CFAP20DC: variants seen among roughly 807,000 people sequenced by gnomAD.
CFAP20DC encodes CFAP20 domain containing, also known as protein CFAP20DC.
Under a neutral mutation model 101.7 loss-of-function variants are expected in CFAP20DC, and 84 were observed. That is an observed-to-expected ratio of 0.83 (90% CI 0.69 to 0.99). The LOEUF (loss-of-function observed/expected upper bound fraction) is 0.99. Among genes scored for constraint, CFAP20DC ranks in the 50% least tolerant of loss-of-function variants. CFAP20DC has a pLI of 0.00. For synonymous variants in CFAP20DC, 359 were observed against 351.2 expected (o/e 1.02, Z -0.25); for missense variants, 1,007 against 970.3 (o/e 1.04, Z -0.50).
chr3:58,813,318 G>A (rs916652779), intron 14 of CFAP20DC, among the ~76,000 whole-genome samples: 6 of 151,804 alleles, frequency 4.0e-5, no homozygotes, highest in African/African-American at 7.3e-5. Flanking sequence ...GTTCTATAAC[G>A]GGAAAAAATT....
At chr3:58,765,296 G>GCA in intron 15 of CFAP20DC, among the ~76,000 whole-genome samples, 1 of 150,998 alleles carries the variant, frequency 6.6e-6, no homozygotes, top group East Asian at 1.9e-4. Flanking sequence ...ACACACACAC[G>GCA]CACACACATA....
rs953538941 is a variant in CFAP20DC at position 58,971,043 on chromosome 3, T to A, written c.279-33281A>T. 6.6e-6 allele frequency among the ~76,000 whole-genome samples: 1 copy of A among 152,216 alleles called. No individual in the cohort carries two copies. Among genetic ancestry groups the A allele is most frequent in the African/African-American group, 2.4e-5 (1 of 41,462 alleles). On this transcript the variant is annotated intron_variant, in intron 4 of 16. Transcript: ENST00000482387. This position sits in a 1 kb window ranked among gnomAD's most constrained non-coding sequence, Gnocchi z 4.1. Reference sequence around the variant, plus strand: ...CTCCTAACCTCCCAAGCATACACTTTGCCATAAATTGACAACAAATTCACC... The same window carrying A: ...CTCCTAACCTCCCAAGCATACACTTAGCCATAAATTGACAACAAATTCACC...
chr3:58,883,636 T>A (rs2081383895), intron 7 of CFAP20DC, among the ~76,000 whole-genome samples: 1 of 152,208 alleles, frequency 6.6e-6, no homozygotes, highest in South Asian at 2.1e-4. Context: ...TCTTCCTCCA[T>A]ACATGTCCTG....
At chr3:58,836,125 C>T (rs979468115) in intron 13 of CFAP20DC, among the ~76,000 whole-genome samples, 1 of 152,132 alleles carries the variant, frequency 6.6e-6, no homozygotes, top group Non-Finnish European at 1.5e-5. Flanking sequence ...TTTCTCCAGA[C>T]ATTATTGGGA....
At chr3:59,049,188 G>A (rs1213846529) in intron 1 of CFAP20DC, among the ~76,000 whole-genome samples, 1 of 152,208 alleles carries the variant, frequency 6.6e-6, no homozygotes, top group Non-Finnish European at 1.5e-5. Context: ...CTTTCTTGAT[G>A]TAACAATGCA....
intron 15 of CFAP20DC, among the ~76,000 whole-genome samples, chr3:58,782,982 A>C (rs2071979846): frequency 6.6e-6 from 1 of 151,834 alleles, no homozygotes; most frequent in African/African-American, 2.4e-5. Flanking sequence ...AAAACAAAAC[A>C]AAACAAAAAC....
At chr3:58,773,477 G>A (rs1436674796) in intron 15 of CFAP20DC, among the ~76,000 whole-genome samples, 1 of 151,964 alleles carries the variant, frequency 6.6e-6, no homozygotes, top group Non-Finnish European at 1.5e-5. Flanking sequence ...GACTGCTTGA[G>A]CCTGGAGGGT....
intron 4 of CFAP20DC, among the ~76,000 whole-genome samples, chr3:59,024,653 C>G (rs1024858012): frequency 8.6e-5 from 13 of 152,046 alleles, no homozygotes; most frequent in African/African-American, 3.1e-4. Context: ...AAATGAGGAA[C>G]CCTAGAGACA....
intron 5 of CFAP20DC, among the ~76,000 whole-genome samples, chr3:58,936,967 A>G (rs2087761817): frequency 6.6e-6 from 1 of 151,982 alleles, no homozygotes; most frequent in Non-Finnish European, 1.5e-5. Context: ...AAAAAAAAAA[A>G]AGAGAGATAG....
chr3:59,002,165 G>A lies in CFAP20DC; in HGVS notation c.278+37392C>T, dbSNP rs1351915281. Reference sequence around the variant, plus strand: ...CTGACAAGCCTTCACAAAGTTACTCGCAGAGCCTCTGTTTCCTCATCTACA... The same window carrying A: ...CTGACAAGCCTTCACAAAGTTACTCACAGAGCCTCTGTTTCCTCATCTACA... On this transcript the variant is annotated intron_variant, in intron 4 of 16. Coordinates refer to ENST00000482387, the MANE Select transcript of CFAP20DC (RefSeq NM_001394063.1). The surrounding 1 kb of genome is among the most constrained non-coding windows in gnomAD (Gnocchi z 4.5). Among the ~76,000 whole-genome samples the A allele has an allele frequency of 1.3e-5, 2 of 152,098 alleles. No homozygotes were observed. Among genetic ancestry groups the A allele is most frequent in the Admixed American group, 6.6e-5 (1 of 15,262 alleles).
chr3:58,735,143 C>T (rs1433065742), intron 3 of CFAP20DC, among the ~76,000 whole-genome samples: 1 of 152,188 alleles, frequency 6.6e-6, no homozygotes, highest in South Asian at 2.1e-4. Flanking sequence ...CAGACACACA[C>T]ATACTAATTT....
chr3:58,962,647 C>T (rs2091234195), intron 4 of CFAP20DC, among the ~76,000 whole-genome samples: 1 of 152,170 alleles, frequency 6.6e-6, no homozygotes, highest in African/African-American at 2.4e-5. Flanking sequence ...AAAGCTTCTA[C>T]CCTTGCTGAT....
intron 5 of CFAP20DC, among the ~76,000 whole-genome samples, chr3:58,930,046 A>G (rs1474849618): frequency 6.6e-6 from 1 of 152,086 alleles, no homozygotes; most frequent in African/African-American, 2.4e-5. Flanking sequence ...CTGTCTTTCA[A>G]GGCCAAGCTC....
chr3:58,826,469 C>T (rs558366927), intron 14 of CFAP20DC, among the ~76,000 whole-genome samples: 75 of 152,134 alleles, frequency 4.9e-4, no homozygotes, highest in African/African-American at 1.7e-3. Context: ...CCCTACACTC[C>T]GACGGGCACT....
chr3:58,731,390 T>C (rs923283989), intron 3 of CFAP20DC, among the ~76,000 whole-genome samples: 1 of 152,210 alleles, frequency 6.6e-6, no homozygotes, highest in Non-Finnish European at 1.5e-5. Flanking sequence ...ACTTACACAC[T>C]GTCTGTTGTG....
chr3:58,940,586 A>T (rs1347776465), intron 4 of CFAP20DC, among the ~76,000 whole-genome samples: 1 of 152,174 alleles, frequency 6.6e-6, no homozygotes, highest in Non-Finnish European at 1.5e-5. Flanking sequence ...GACCATAAAT[A>T]TATGTGTGTG....
At chr3:58,980,663 T>C (rs2092496240) in intron 4 of CFAP20DC, among the ~76,000 whole-genome samples, 1 of 152,210 alleles carries the variant, frequency 6.6e-6, no homozygotes, top group African/African-American at 2.4e-5. Context: ...CAATGCTTCA[T>C]GCTAAAAACT....
At chr3:58,762,605 G>A (rs61645583) in intron 15 of CFAP20DC, among the ~76,000 whole-genome samples, 12,611 of 152,008 alleles carry the variant, frequency 0.083, 892 homozygotes, top group East Asian at 0.35. Context: ...TATTTTGCTC[G>A]TTAGTTGATG....
At chr3:58,817,325 G>C (rs985895689) in intron 14 of CFAP20DC, among the ~76,000 whole-genome samples, 4 of 152,160 alleles carry the variant, frequency 2.6e-5, no homozygotes, top group Non-Finnish European at 5.9e-5. Context: ...GAAAGCTTCA[G>C]ACGATCAAAT....
Sources: gnomAD v4.1 joint callset for allele counts (sites outside exome capture counted in the v4.1 genomes callset) on GRCh38, gnomAD v4.1.1 for gene constraint, Gnocchi (gnomAD v3.1) non-coding constraint, MANE v1.5 for transcripts, NCBI Gene and HGNC (gene_info 2026-07-23, HGNC 2026-07-21) for gene names.